The following UBE2Z variants were observed in gnomAD, a reference collection of about 807,000 sequenced individuals.
UBE2Z encodes ubiquitin-conjugating enzyme E2 Z.
A neutral mutation model predicts 32.6 loss-of-function variants in UBE2Z; 10 were observed. The ratio of observed to expected loss-of-function variants is 0.31; its 90% CI spans 0.19 to 0.52. The LOEUF is 0.52. UBE2Z is among the 20% of genes least tolerant of loss of function. The probability of loss-of-function intolerance (pLI) is 0.97; values close to 1 mark genes in which losing one functional copy is unlikely to be tolerated. For missense variants in UBE2Z, 343 were observed against 480.9 expected, an observed-to-expected ratio of 0.71 and a Z score of 2.68; for synonymous variants, 183 against 190.8, an observed-to-expected ratio of 0.96 and a Z score of 0.34.
chr17:48,922,628 G>A lies in UBE2Z; in HGVS notation c.804-219G>A, dbSNP rs550163640. ...TACTAAAAACAAAAATTAGCCAGGC[G>A]TGGTGGCATATGCCTGTAATCCCAG... On this transcript the variant is annotated intron_variant, in intron 5 of 6. Coordinates refer to ENST00000360943, the MANE Select transcript of UBE2Z (RefSeq NM_023079.5). Among the ~76,000 whole-genome samples, 15 of 152,056 alleles carry A rather than the reference G, an allele frequency of 9.9e-5. No individual in the cohort carries two copies. The East Asian group carries it at 1.8e-3, about 18-fold the overall frequency.
In UBE2Z at chr17:48,912,991, G is replaced by A. The variant is rs144649420; in HGVS notation, c.548G>A (p.Arg183His). 15 of 1,613,728 alleles carry A rather than the reference G, an allele frequency of 9.3e-6. No individual in the cohort carries two copies. Among genetic ancestry groups the A allele is most frequent in the South Asian group, 1.1e-5 (1 of 91,078 alleles). ...NTVRFNPNFY[R>H]NGKVCLSILG... ...GTGAGGTTTAACCCCAACTTCTACC[G>A]CAATGGGAAAGTCTGCTTGAGTATT... The change falls in exon 3 of 7, where the codon CGC (arginine) becomes CAC (histidine). Residue 183 changes from arginine to histidine, a missense_variant. Arg to His is a conservative substitution (Grantham distance 29, BLOSUM62 0). Coordinates refer to ENST00000360943, the MANE Select transcript of UBE2Z (RefSeq NM_023079.5).
At chr17:48,916,442 G>A (rs1354724324) in intron 4 of UBE2Z, among the ~76,000 whole-genome samples, 1 of 151,250 alleles carries the variant, frequency 6.6e-6, no homozygotes, top group African/African-American at 2.4e-5. Flanking sequence ...TAGTAGAGAT[G>A]GGGTTTCACC....
chr17:48,917,015 AAAT>A (rs1182893302), intron 4 of UBE2Z, among the ~76,000 whole-genome samples: 1 of 143,112 alleles, frequency 7.0e-6, no homozygotes, highest in African/African-American at 2.6e-5. Context: ...ACCCCCAAAA[AAAT>A]AATAATGGCC....
rs745737114 is a variant in UBE2Z, at chr17:48,922,835, C to T, written c.804-12C>T. 4.4e-6 allele frequency: 7 copies of T among 1,606,082 alleles called. No individual in the cohort carries two copies. The highest frequency in any genetic ancestry group is 1.3e-5 in the African/African-American group (1 of 74,760). On this transcript the variant is annotated splice_polypyrimidine_tract_variant and intron_variant, in intron 5 of 6. Coordinates refer to ENST00000360943, the MANE Select transcript of UBE2Z (RefSeq NM_023079.5). Reference sequence around the variant, plus strand: ...TGGGTTTCTCACTTACACTTTTCTGCTTGTTTTCCAGAGGGGTGATGGAGA... The same window carrying T: ...TGGGTTTCTCACTTACACTTTTCTGTTTGTTTTCCAGAGGGGTGATGGAGA...
Position 48,908,517 on chromosome 17 carries a change from C to A in UBE2Z, c.14C>A (p.Pro5Gln), listed in dbSNP as rs970782582. The change falls in exon 1 of 7, where the codon CCG becomes CAG. Residue 5 changes from proline (P) to glutamine (Q), a missense_variant. Pro to Gln is a moderately conservative substitution (Grantham distance 76, BLOSUM62 -1). Transcript: ENST00000360943. MAES[P>Q]TEEAATAGAG... Reference sequence around the variant, plus strand: ...AGCGAAGCAGCGATGGCGGAGAGTCCGACTGAGGAGGCGGCAACGGCGGGC... The same window carrying A: ...AGCGAAGCAGCGATGGCGGAGAGTCAGACTGAGGAGGCGGCAACGGCGGGC... 7.3e-6 allele frequency: 9 copies of A among 1,235,868 alleles called. No individual in the cohort carries two copies. Among genetic ancestry groups the A allele is most frequent in the Non-Finnish European group, 9.1e-6 (9 of 988,674 alleles). 76.6% of individuals were successfully genotyped at this position (1,235,868 alleles called of 1,614,324 possible).
At chr17:48,912,796 A>G (rs2143760030) in intron 2 of UBE2Z, 38 bp from the exon 3 acceptor site, 1 of 1,610,092 alleles carries the variant, frequency 6.2e-7, no homozygotes, top group Non-Finnish European at 8.5e-7. Context: ...GGGGTGGGTC[A>G]TCACCTCACA....
chr17:48,927,058 A>G lies in UBE2Z; in HGVS notation c.989A>G (p.Asn330Ser). ...IRQKVLERLH[N>S]ENAEMDSDSS... ...CAGAAAGTGCTGGAGAGGCTCCATA[A>G]TGAGAATGCAGAAATGGACTCTGAT... Residue 330 changes from asparagine (N) to serine (S), a missense_variant, in exon 7 of 7, where the codon AAT (asparagine) becomes AGT (serine). Asn to Ser is a conservative substitution (Grantham distance 46). This residue lies in a region of UBE2Z where 182 missense variants were observed against 312.4 expected (regional missense o/e 0.58). Coordinates refer to ENST00000360943, the MANE Select transcript of UBE2Z (RefSeq NM_023079.5). The G allele has an allele frequency of 6.2e-7, 1 of 1,613,914 alleles. No homozygotes were observed. The highest frequency in any genetic ancestry group is 8.5e-7 in the Non-Finnish European group (1 of 1,179,854).
In UBE2Z at chr17:48,913,008, T is replaced by G; in HGVS notation, c.565T>G (p.Leu189Val). 1 of 1,613,934 alleles carries G rather than the reference T, an allele frequency of 6.2e-7. No individual in the cohort carries two copies. The highest frequency in any genetic ancestry group is 2.2e-5 in the East Asian group (1 of 44,886). Residue 189 changes from leucine (L) to valine (V), a missense_variant, in exon 3 of 7, where the codon TTG becomes GTG. Physicochemically the swap from Leu to Val is conservative, Grantham distance 32. This residue lies in a region of UBE2Z where 182 missense variants were observed against 312.4 expected (regional missense o/e 0.58). Coordinates refer to ENST00000360943, the MANE Select transcript of UBE2Z (RefSeq NM_023079.5). ...CTTCTACCGCAATGGGAAAGTCTGC[T>G]TGAGTATTCTAGGGTAAGAGGAGAC... The part of the protein sequence containing the change: ...PNFYRNGKVC[L>V]SILGTWTGPA...
chr17:48,913,963 T>C (rs577537086), intron 3 of UBE2Z, among the ~76,000 whole-genome samples: 148 of 152,272 alleles, frequency 9.7e-4, no homozygotes, highest in African/African-American at 3.5e-3. Flanking sequence ...TCTTGAATTC[T>C]TGTCCTCAAG....
chr17:48,915,150 AGAG>A (rs2040710062), intron 3 of UBE2Z, among the ~76,000 whole-genome samples: 1 of 152,156 alleles, frequency 6.6e-6, no homozygotes, highest in African/African-American at 2.4e-5. Flanking sequence ...AAATTTAACG[AGAG>A]TTGACTCTGT....
chr17:48,925,008 C>T (rs762034364), intron 6 of UBE2Z, among the ~76,000 whole-genome samples: 12 of 151,464 alleles, frequency 7.9e-5, no homozygotes, highest in Admixed American at 1.3e-4. Flanking sequence ...TGGGGCCTGG[C>T]GCAATGGCTC....
chr17:48,911,157 A>T, intron 2 of UBE2Z: 1 of 425,614 alleles, frequency 2.3e-6, no homozygotes, highest in East Asian at 3.9e-5. Context: ...GCATTCTTTC[A>T]CTCTCAAAAA....
intron 2 of UBE2Z, chr17:48,911,792 A>C (rs9894220): frequency 6.6e-6 from 1 of 152,014 alleles, no homozygotes; most frequent in Non-Finnish European, 1.5e-5. Flanking sequence ...TGAGTTTACT[A>C]TTCCAAATGA....
At chr17:48,923,137 C>T (rs11871552) in intron 6 of UBE2Z, 200 bp downstream of exon 6, 418,995 of 422,860 alleles carry the variant, frequency 0.99, 207,681 homozygotes, top group East Asian at 1. Context: ...CTGGCTAACA[C>T]GGTGAAACCC....
In UBE2Z at chr17:48,910,771, C is replaced by A. The variant is rs758224877; in HGVS notation, c.318-37C>A. The A allele has an allele frequency of 2.6e-6, 4 of 1,527,552 alleles. No homozygotes were observed. In the South Asian group the frequency reaches 3.4e-5, roughly 13 times the overall value. The allele number at this position is 1,527,552 out of a possible 1,614,324, so 94.6% of individuals were successfully genotyped here. ...AGGGATTCCCCCTTTCCCCCTCTTC[C>A]TCACTCCTTCCCCCACCTCCTCTTG... On this transcript the variant is annotated intron_variant, in intron 1 of 6. Coordinates refer to ENST00000360943, the MANE Select transcript of UBE2Z (RefSeq NM_023079.5).
At chr17:48,913,294 C>G (rs1332330175) in intron 3 of UBE2Z, among the ~76,000 whole-genome samples, 1 of 152,046 alleles carries the variant, frequency 6.6e-6, no homozygotes, top group Non-Finnish European at 1.5e-5. Flanking sequence ...TTTCTGGGGC[C>G]CTATCTTAGA....
chr17:48,913,602 C>T (rs1420534099), intron 3 of UBE2Z, among the ~76,000 whole-genome samples: 1 of 152,208 alleles, frequency 6.6e-6, no homozygotes, highest in East Asian at 1.9e-4. Context: ...ATCCACTCAC[C>T]TTGGCCTCCC....
In UBE2Z at chr17:48,928,448, C is replaced by G. The variant is rs2040812111; in HGVS notation, c.*1314C>G. ...TACTTCCAGATTTATTGTTATGGCT[C>G]CCAGTGGGTATTGGCGATTCTTGTG... is the stretch of plus-strand genomic sequence containing the variant. On this transcript the variant is annotated 3_prime_UTR_variant, in exon 7 of 7. Transcript: ENST00000360943. 1 of 152,648 alleles carries G rather than the reference C, an allele frequency of 6.6e-6. No individual in the cohort carries two copies. The highest frequency in any genetic ancestry group is 6.6e-5 in the Admixed American group (1 of 15,252). The allele number at this position is 152,648 out of a possible 1,614,324, so 9.5% of individuals were successfully genotyped here.
In UBE2Z at chr17:48,916,077, A is replaced by G; in HGVS notation, c.580A>G (p.Thr194Ala). ...NGKVCLSILGTWTGPAWSPAQ... is the reference protein window; with the variant it reads ...NGKVCLSILGAWTGPAWSPAQ... ...CCATTCCTTCTGATGTGTTTACAGTACATGGACTGGACCTGCCTGGAGCCC... is the reference window on the plus strand; with the variant it reads ...CCATTCCTTCTGATGTGTTTACAGTGCATGGACTGGACCTGCCTGGAGCCC... Residue 194 changes from threonine (T) to alanine (A), a missense_variant and splice_region_variant, in exon 4 of 7, where the codon ACA (threonine) becomes GCA (alanine). Physicochemically the swap from Thr to Ala is moderately conservative, Grantham distance 58 (BLOSUM62 0). Transcript: ENST00000360943. The G allele has an allele frequency of 6.3e-7, 1 of 1,588,758 alleles. No homozygotes were observed. The highest frequency in any genetic ancestry group is 8.5e-7 in the Non-Finnish European group (1 of 1,170,428).
Sources: gnomAD v4.1 joint callset for allele counts (sites outside exome capture counted in the v4.1 genomes callset) on GRCh38, gnomAD v4.1.1 for gene constraint, gnomAD v4.1.1 regional missense constraint, MANE v1.5 for transcripts, NCBI Gene and HGNC (gene_info 2026-07-23, HGNC 2026-07-21) for gene names.